Variants in ROBO2 observed in about 807,000 individuals in gnomAD.
ROBO2 encodes roundabout guidance receptor 2, also known as roundabout homolog 2.
Under a neutral mutation model 160.8 loss-of-function variants are expected in ROBO2, and 53 were observed. The observed-to-expected ratio is 0.33, with a 90% CI of 0.26 to 0.41. ROBO2 has a LOEUF of 0.41. ROBO2 is among the 10% of genes least tolerant of loss of function. The probability of loss-of-function intolerance (pLI) is 1.00; values close to 1 mark genes in which losing one functional copy is unlikely to be tolerated. For synonymous variants in ROBO2, 664 were observed against 611.7 expected (o/e 1.09, Z -1.26); for missense variants, 1,577 against 1,722.4 (o/e 0.92, Z 1.49).
At chr3:76,201,907 A>T (rs1240556795) in intron 2 of ROBO2, among the ~76,000 whole-genome samples, 1 of 151,752 alleles carries the variant, frequency 6.6e-6, no homozygotes, top group Non-Finnish European at 1.5e-5. Context: ...AAAAAAAAAA[A>T]AAAAGAGATT....
At chr3:76,426,316 T>C (rs554939229) in intron 2 of ROBO2, among the ~76,000 whole-genome samples, 47 of 152,198 alleles carry the variant, frequency 3.1e-4, no homozygotes, top group African/African-American at 1.1e-3. Flanking sequence ...ATATAAAGTA[T>C]ATTCACAATT....
At chr3:76,586,534 TGA>T (rs1302431569) in intron 2 of ROBO2, among the ~76,000 whole-genome samples, 1 of 152,234 alleles carries the variant, frequency 6.6e-6, no homozygotes, top group Non-Finnish European at 1.5e-5. Flanking sequence ...ATATTTAAAA[TGA>T]GTTTTTTAAA....
chr3:77,154,914 T>A (rs1286865693), intron 2 of ROBO2, among the ~76,000 whole-genome samples: 1 of 151,844 alleles, frequency 6.6e-6, no homozygotes, highest in Non-Finnish European at 1.5e-5. Flanking sequence ...ACCTATTGGG[T>A]ACTAGACTCA....
chr3:76,231,970 G>A (rs1559667216), intron 2 of ROBO2, among the ~76,000 whole-genome samples: 1 of 152,052 alleles, frequency 6.6e-6, no homozygotes, highest in African/African-American at 2.4e-5. Flanking sequence ...TAAAAATTGT[G>A]TCCTCATTAG....
At chr3:76,227,569 A>G (rs1414915597) in intron 2 of ROBO2, among the ~76,000 whole-genome samples, 1 of 152,160 alleles carries the variant, frequency 6.6e-6, no homozygotes, top group African/African-American at 2.4e-5. Flanking sequence ...TTTTGATAGC[A>G]TCTATTATGT....
At chr3:77,196,086 A>T (rs2082282559) in intron 2 of ROBO2, among the ~76,000 whole-genome samples, 1 of 152,318 alleles carries the variant, frequency 6.6e-6, no homozygotes, top group East Asian at 1.9e-4. Flanking sequence ...GAAACTAATC[A>T]AATATATTTA....
chr3:76,956,365 G>GC (rs1559760498), intron 2 of ROBO2, among the ~76,000 whole-genome samples: 3 of 151,268 alleles, frequency 2.0e-5, no homozygotes, highest in Admixed American at 6.6e-5. Context: ...AGACCATCCT[G>GC]GCTAACACGG....
chr3:76,251,639 A>G (rs1706007472), intron 2 of ROBO2, among the ~76,000 whole-genome samples: 1 of 152,126 alleles, frequency 6.6e-6, no homozygotes, highest in Non-Finnish European at 1.5e-5. Context: ...CCTCTTTTGG[A>G]GTTGCTTATG....
At chr3:77,614,497 T>C (rs866331977) in intron 21 of ROBO2, among the ~76,000 whole-genome samples, 2 of 152,142 alleles carry the variant, frequency 1.3e-5, no homozygotes, top group African/African-American at 2.4e-5. Flanking sequence ...AATATTATAG[T>C]AGATATTTAG....
chr3:76,976,932 C>T (rs1290359511), intron 2 of ROBO2, among the ~76,000 whole-genome samples: 1 of 148,536 alleles, frequency 6.7e-6, no homozygotes, highest in Non-Finnish European at 1.5e-5. Flanking sequence ...ATTCTGTGCT[C>T]ATTTTAATCA....
chr3:77,153,929 G>A (rs1230224477), intron 2 of ROBO2, among the ~76,000 whole-genome samples: 3 of 152,064 alleles, frequency 2.0e-5, no homozygotes, highest in African/African-American at 4.8e-5. Context: ...TATTAGATAA[G>A]TCTAAAATTT....
intron 2 of ROBO2, among the ~76,000 whole-genome samples, chr3:76,604,523 A>G (rs948669351): frequency 2.6e-5 from 4 of 152,122 alleles, no homozygotes; most frequent in Admixed American, 6.6e-5. Context: ...TACTCAATGA[A>G]ACTTTTATTT....
At chr3:77,491,716 G>A (rs982990793) in intron 4 of ROBO2, among the ~76,000 whole-genome samples, 11 of 152,078 alleles carry the variant, frequency 7.2e-5, no homozygotes, top group Admixed American at 5.2e-4. Flanking sequence ...TTTATGGATC[G>A]TTTGTCAATT....
At chr3:76,680,113 AC>A (rs1575915088) in intron 2 of ROBO2, among the ~76,000 whole-genome samples, 1 of 152,150 alleles carries the variant, frequency 6.6e-6, no homozygotes, top group Non-Finnish European at 1.5e-5. Context: ...AAGAAATCTA[AC>A]TTTGGCACCT....
chr3:75,945,557 G>A (rs113496111), intron 2 of ROBO2, among the ~76,000 whole-genome samples: 1 of 151,348 alleles, frequency 6.6e-6, no homozygotes, highest in Admixed American at 6.6e-5. Flanking sequence ...GGTCACTATT[G>A]AAGACTCAAT....
At chr3:76,214,129 C>A (rs923563651) in intron 2 of ROBO2, among the ~76,000 whole-genome samples, 1 of 152,034 alleles carries the variant, frequency 6.6e-6, no homozygotes, top group Non-Finnish European at 1.5e-5. Context: ...AATTTGGCAC[C>A]CATACGCATC....
chr3:75,985,811 G>C (rs1208230520), intron 2 of ROBO2, among the ~76,000 whole-genome samples: 1 of 151,456 alleles, frequency 6.6e-6, no homozygotes, highest in Non-Finnish European at 1.5e-5. Context: ...TTTGTCTTTT[G>C]TTATTGGCTT....
At chr3:77,135,793 T>A (rs2150384561) in intron 2 of ROBO2, among the ~76,000 whole-genome samples, 1 of 152,306 alleles carries the variant, frequency 6.6e-6, no homozygotes, top group Admixed American at 6.5e-5. Context: ...AAGCAGTTGG[T>A]TTTATTTTAA....
chr3:77,140,975 T>C (rs1328559122), intron 2 of ROBO2, among the ~76,000 whole-genome samples: 1 of 152,182 alleles, frequency 6.6e-6, no homozygotes, highest in Non-Finnish European at 1.5e-5. Context: ...GAGTGTCAGA[T>C]AGTGAGTTAC....
Sources: gnomAD v4.1 joint callset for allele counts (sites outside exome capture counted in the v4.1 genomes callset) on GRCh38, gnomAD v4.1.1 for gene constraint, MANE v1.5 for transcripts, NCBI Gene and HGNC (gene_info 2026-07-23, HGNC 2026-07-21) for gene names.